Variants in MAOA observed in about 807,000 individuals in gnomAD.
MAOA encodes amine oxidase [flavin-containing] A.
A neutral mutation model predicts 42.0 loss-of-function variants in MAOA; 6 were observed. That is an observed-to-expected ratio of 0.14 (90% confidence interval 0.08 to 0.28). The LOEUF is 0.28. Ranked by LOEUF, MAOA falls within the 10% of genes least tolerant of loss-of-function variation. The pLI is 1.00. For missense variants in MAOA, 262 were observed against 422.3 expected (o/e 0.62, Z 3.33); for synonymous variants, 140 against 154.0 (o/e 0.91, Z 0.67).
At chrX:43,699,242 A>G (rs2033603312) in intron 3 of MAOA, among the ~76,000 whole-genome samples, 1 of 112,230 alleles carries the variant, frequency 8.9e-6, no homozygotes, top group Admixed American at 9.5e-5. Context: ...CATTACTTGC[A>G]TTAGTAAATA....
chrX:43,712,930 G>A (rs1460144998), intron 5 of MAOA, 134 bp downstream of exon 5: 3 of 507,766 alleles, frequency 5.9e-6, no homozygotes, highest in African/African-American at 2.3e-5. Context: ...TCAGTCAATA[G>A]CAATGTTGAG....
At chrX:43,667,610 G>A (rs980511568) in intron 1 of MAOA, among the ~76,000 whole-genome samples, 15 of 111,244 alleles carry the variant, frequency 1.3e-4, no homozygotes, top group African/African-American at 4.9e-4. Flanking sequence ...AAAATAATTT[G>A]GGGTAGCAAA....
intron 1 of MAOA, among the ~76,000 whole-genome samples, chrX:43,676,397 C>T (rs771056431): frequency 5.4e-5 from 6 of 111,857 alleles, no homozygotes; most frequent in South Asian, 7.4e-4. Flanking sequence ...TTGCACTTCC[C>T]GAGTAAGGCA....
At chrX:43,681,353 T>A (rs1390927096) in intron 1 of MAOA, among the ~76,000 whole-genome samples, 1 of 111,341 alleles carries the variant, frequency 9.0e-6, no homozygotes, top group Non-Finnish European at 1.9e-5. Context: ...ACTACAGGGT[T>A]ACTACTTCAT....
chrX:43,726,273 A>G (rs2033834083), intron 5 of MAOA, among the ~76,000 whole-genome samples: 1 of 112,077 alleles, frequency 8.9e-6, no homozygotes, highest in South Asian at 3.7e-4. Flanking sequence ...GTGTTTTCCA[A>G]GTTGGTTCCA....
chrX:43,693,237 C>A (rs2033550489), intron 2 of MAOA, 54 bp from the exon 3 acceptor site: 2 of 1,140,134 alleles, frequency 1.8e-6, no homozygotes, highest in South Asian at 3.6e-5. Flanking sequence ...TTACAAGACA[C>A]CTTTTTTCCA....
At chrX:43,711,203 G>A (rs111240999) in intron 3 of MAOA, among the ~76,000 whole-genome samples, 1,118 of 111,108 alleles carry the variant, frequency 0.01, 21 homozygotes, top group African/African-American at 0.035. Flanking sequence ...CTGGTAGCTG[G>A]GACCATCCTG....
At chrX:43,731,634 C>A in intron 7 of MAOA, 60 bp from the exon 8 acceptor site, 1 of 1,088,356 alleles carries the variant, frequency 9.2e-7, no homozygotes, top group Non-Finnish European at 1.3e-6. Flanking sequence ...TGATTTTTCA[C>A]GCCTGCCACA....
intron 1 of MAOA, among the ~76,000 whole-genome samples, chrX:43,663,827 C>A (rs1318239206): frequency 8.9e-6 from 1 of 112,083 alleles, no homozygotes; most frequent in East Asian, 2.8e-4. Flanking sequence ...AAATCTATTT[C>A]CTTGTTGGAA....
At chrX:43,684,053 A>G (rs942186894) in intron 2 of MAOA, among the ~76,000 whole-genome samples, 11 of 111,118 alleles carry the variant, frequency 9.9e-5, no homozygotes, top group Non-Finnish European at 1.5e-4. Flanking sequence ...AAAACCAAAA[A>G]CAGACAAAAA....
At chrX:43,727,087 C>T (rs1393763822) in intron 5 of MAOA, among the ~76,000 whole-genome samples, 1 of 111,967 alleles carries the variant, frequency 8.9e-6, no homozygotes, top group Admixed American at 9.4e-5. Context: ...CCAGCCAGAG[C>T]TCTCCTGTAT....
At chrX:43,744,239 C>T in intron 14 of MAOA, 68 bp downstream of exon 14, 1 of 1,128,212 alleles carries the variant, frequency 8.9e-7, no homozygotes, top group Non-Finnish European at 1.2e-6. Context: ...TCACATCTCC[C>T]TTCTTCTAGC....
At chrX:43,674,274 C>T in intron 1 of MAOA, among the ~76,000 whole-genome samples, 1 of 110,063 alleles carries the variant, frequency 9.1e-6, no homozygotes, top group East Asian at 2.9e-4. Context: ...GCAACCCCTG[C>T]CTTTTTTTGT....
intron 1 of MAOA, among the ~76,000 whole-genome samples, chrX:43,671,902 C>T (rs1455347286): frequency 5.6e-5 from 6 of 106,884 alleles, no homozygotes; most frequent in Non-Finnish European, 1.2e-4. Flanking sequence ...GTTCTTTTGG[C>T]TTAGGATTGA....
At chrX:43,738,922 T>G (rs1411896664) in intron 10 of MAOA, among the ~76,000 whole-genome samples, 2 of 112,362 alleles carry the variant, frequency 1.8e-5, no homozygotes, top group African/African-American at 6.5e-5. Flanking sequence ...GTCTGAATTA[T>G]TGCTTGTAAC....
intron 2 of MAOA, among the ~76,000 whole-genome samples, chrX:43,686,739 C>T (rs1343800698): frequency 1.8e-5 from 2 of 111,187 alleles, no homozygotes; most frequent in Non-Finnish European, 3.8e-5. Flanking sequence ...GCAGGGGTTG[C>T]GGTGAGCCGA....
chrX:43,716,802 G>T (rs1336649227), intron 5 of MAOA, among the ~76,000 whole-genome samples: 1 of 110,447 alleles, frequency 9.1e-6, no homozygotes, highest in Non-Finnish European at 1.9e-5. Flanking sequence ...ACAGGAATGA[G>T]CCAGAGGGGG....
intron 5 of MAOA, among the ~76,000 whole-genome samples, chrX:43,719,303 G>C (rs963330124): frequency 1.8e-5 from 2 of 111,154 alleles, no homozygotes; most frequent in Non-Finnish European, 3.8e-5. Flanking sequence ...ACTGGCAGTA[G>C]TGGGGGTGGA....
chrX:43,735,758 A>C (rs2033915671), intron 9 of MAOA, among the ~76,000 whole-genome samples: 2 of 112,686 alleles, frequency 1.8e-5, no homozygotes, highest in Non-Finnish European at 3.8e-5. Flanking sequence ...GCCCCGTCCA[A>C]TTACTGGGGA....
Sources: gnomAD v4.1 joint callset for allele counts (sites outside exome capture counted in the v4.1 genomes callset) on GRCh38, gnomAD v4.1.1 for gene constraint, MANE v1.5 for transcripts, NCBI Gene and HGNC (gene_info 2026-07-23, HGNC 2026-07-21) for gene names.